Variants in CCDC150 observed in about 807,000 individuals in gnomAD.
The protein encoded by CCDC150 is coiled-coil domain-containing protein 150.
A neutral mutation model predicts 156.5 loss-of-function variants in CCDC150; 151 were observed. The ratio of observed to expected loss-of-function variants is 0.97; its 90% CI spans 0.85 to 1.10. The LOEUF is 1.10. CCDC150 is among the 50% of genes least tolerant of loss of function. The pLI, the probability that CCDC150 is intolerant of heterozygous loss-of-function variation, is 0.00. For missense variants in CCDC150, 1,312 were observed against 1,268.1 expected (o/e 1.03, Z -0.53); for synonymous variants, 452 against 429.4 (o/e 1.05, Z -0.65).
chr2:196,709,840 T>A (rs1696966826), intron 15 of CCDC150, among the ~76,000 whole-genome samples: 1 of 152,218 alleles, frequency 6.6e-6, no homozygotes, highest in Admixed American at 6.5e-5. Flanking sequence ...CACCGGAGGC[T>A]GCAGAACAGC....
rs1014700597 is a variant in CCDC150 at position 196,712,856 on chromosome 2, A to G, written c.1866+117A>G. On this transcript the variant is annotated intron_variant, in intron 17 of 27. Transcript: ENST00000389175. ...GAAAAAGTTAAGCAAGATAACAAAAACATTTAGTGAAGAACATACCCCAGG... is the reference window on the plus strand; with the variant it reads ...GAAAAAGTTAAGCAAGATAACAAAAGCATTTAGTGAAGAACATACCCCAGG... 4.0e-6 allele frequency: 3 copies of G among 756,374 alleles called. No individual in the cohort carries two copies. In the African/African-American group the frequency reaches 5.3e-5, roughly 13 times the overall value. 46.9% of individuals were successfully genotyped at this position (756,374 alleles called of 1,614,324 possible).
chr2:196,667,349 T>C (rs1181908720), intron 7 of CCDC150: 1 of 163,580 alleles, frequency 6.1e-6, no homozygotes, highest in Non-Finnish European at 1.3e-5. Flanking sequence ...TCTCCTCTTT[T>C]TATAGATGAG....
chr2:196,719,819 T>C, intron 19 of CCDC150, 153 bp downstream of exon 19: 1 of 513,538 alleles, frequency 1.9e-6, no homozygotes, highest in South Asian at 4.1e-5. Flanking sequence ...TTAGAGAAAA[T>C]TTAGAATTAG....
At position 196,729,511 on chromosome 2, in the gene CCDC150, A is replaced by G. The variant is rs563868334; in HGVS notation, c.2751+124A>G. 72 of 944,402 alleles carry G rather than the reference A, an allele frequency of 7.6e-5. 1 individual carries two copies. In the East Asian group the frequency reaches 1.7e-3, roughly 22 times the overall value. 58.5% of individuals were successfully genotyped at this position (944,402 alleles called of 1,614,324 possible). A position where few individuals can be genotyped will look rare whatever the true frequency, so the allele number is the denominator to read the frequency against. ...CATGTATTCTCTGGGAATTATAGCC[A>G]GTTGTCTTTGGGGAGACTTTTTCAG... On this transcript the variant is annotated intron_variant, in intron 23 of 27. Coordinates refer to ENST00000389175, the MANE Select transcript of CCDC150 (RefSeq NM_001080539.2).
intron 17 of CCDC150, among the ~76,000 whole-genome samples, chr2:196,714,156 G>A (rs989176627): frequency 6.6e-6 from 1 of 152,218 alleles, no homozygotes; most frequent in Non-Finnish European, 1.5e-5. Context: ...GTGAGTGTTA[G>A]TTGTCCAGGT....
chr2:196,669,468 G>A (rs894332698), intron 7 of CCDC150, among the ~76,000 whole-genome samples: 1 of 152,052 alleles, frequency 6.6e-6, no homozygotes, highest in Non-Finnish European at 1.5e-5. Flanking sequence ...GACCAGAGTC[G>A]GTCCTCATCG....
At chr2:196,716,005 A>G (rs1388689121) in intron 17 of CCDC150, among the ~76,000 whole-genome samples, 1 of 152,214 alleles carries the variant, frequency 6.6e-6, no homozygotes, top group Non-Finnish European at 1.5e-5. Flanking sequence ...AATTTTTAAG[A>G]TTTAAATACT....
chr2:196,731,111 T>G (rs1025702567), intron 26 of CCDC150, among the ~76,000 whole-genome samples, 166 bp downstream of exon 26: 2 of 152,006 alleles, frequency 1.3e-5, no homozygotes, highest in African/African-American at 4.8e-5. Context: ...GAAGAAGTGA[T>G]TTTTAGATTA....
chr2:196,730,210 A>G (rs1022582956), intron 25 of CCDC150, 92 bp downstream of exon 25: 6 of 1,038,544 alleles, frequency 5.8e-6, no homozygotes, highest in Non-Finnish European at 8.3e-6. Context: ...TCTAGAGTCT[A>G]CAGAAGACAA....
chr2:196,704,569 A>G (rs577038451), intron 15 of CCDC150, among the ~76,000 whole-genome samples: 1 of 152,244 alleles, frequency 6.6e-6, no homozygotes, highest in South Asian at 2.1e-4. Flanking sequence ...TTTTAATTAT[A>G]CTTTAAGTTC....
rs757050080 is a variant in CCDC150 at position 196,729,205 on chromosome 2, CT to C, written c.2571del (p.Asp858MetfsTer24). Reference protein sequence around the residue: ...QREVAELKKALDEANFRSVEV... With the variant: ...QREVAELKKAXDEANFRSVEV... Reference sequence around the variant, plus strand: ...CTTGTGTTTTAAGCTGAAGAAAGCCCTTGATGAAGCTAACTTCAGATCAGTG... The same window carrying C: ...CTTGTGTTTTAAGCTGAAGAAAGCCCTGATGAAGCTAACTTCAGATCAGTG... On this transcript the variant is annotated frameshift_variant, in exon 23 of 28. Transcript: ENST00000389175. LOFTEE classifies it high-confidence loss of function. The C allele has an allele frequency of 6.2e-7, 1 of 1,609,234 alleles. No individual in the cohort carries two copies. The highest frequency in any genetic ancestry group is 8.5e-7 in the Non-Finnish European group (1 of 1,178,644).
intron 13 of CCDC150, 97 bp downstream of exon 13, chr2:196,677,458 A>G (rs1369210701): frequency 5.1e-6 from 4 of 788,112 alleles, no homozygotes; most frequent in Non-Finnish European, 6.4e-6. Flanking sequence ...GCTGATGAAT[A>G]CCAAGCTGCA....
At chr2:196,699,709 AG>A (rs1696075355) in intron 14 of CCDC150, among the ~76,000 whole-genome samples, 1 of 152,122 alleles carries the variant, frequency 6.6e-6, no homozygotes, top group Non-Finnish European at 1.5e-5. Context: ...TTGTAGAGAC[AG>A]GGTTTTGCTA....
At chr2:196,713,455 A>G (rs1390898011) in intron 17 of CCDC150, 5 of 1,550,788 alleles carry the variant, frequency 3.2e-6, no homozygotes, top group Admixed American at 2.0e-5. Flanking sequence ...AAAGAACGTC[A>G]TCAGTTGGTT....
intron 15 of CCDC150, among the ~76,000 whole-genome samples, chr2:196,705,886 G>T (rs573926754): frequency 2.0e-3 from 302 of 152,106 alleles, no homozygotes; most frequent in Non-Finnish European, 3.3e-3. Flanking sequence ...ATTTCTGAGG[G>T]CTCTGTTCTG....
chr2:196,693,372 A>AG (rs1695607920), intron 13 of CCDC150, among the ~76,000 whole-genome samples: 1 of 152,142 alleles, frequency 6.6e-6, no homozygotes, highest in African/African-American at 2.4e-5. Flanking sequence ...CATATCTTAG[A>AG]CATATTTTGT....
At chr2:196,665,445 A>G (rs978195066) in intron 5 of CCDC150, 122 bp from the exon 6 acceptor site, 6 of 488,882 alleles carry the variant, frequency 1.2e-5, no homozygotes, top group Admixed American at 3.9e-5. Context: ...CTGAGTAGTC[A>G]TAAATGAATT....
At chr2:196,656,913 G>A (rs760354989) in intron 3 of CCDC150, 45 bp from the exon 4 acceptor site, 1 of 1,610,986 alleles carries the variant, frequency 6.2e-7, no homozygotes. Context: ...TTTCTTTACT[G>A]ACCTTCTTTC....
intron 22 of CCDC150, 112 bp from the exon 23 acceptor site, chr2:196,729,077 CACTA>C (rs1698387075): frequency 4.5e-6 from 4 of 893,606 alleles, no homozygotes; most frequent in Non-Finnish European, 6.7e-6. Flanking sequence ...ATTATTGCCT[CACTA>C]ACTCTCCTTT....
Sources: gnomAD v4.1 joint callset for allele counts (sites outside exome capture counted in the v4.1 genomes callset) on GRCh38, gnomAD v4.1.1 for gene constraint, MANE v1.5 for transcripts, NCBI Gene and HGNC (gene_info 2026-07-23, HGNC 2026-07-21) for gene names.